Variants in SHKBP1 observed in about 807,000 individuals in gnomAD.
The protein encoded by SHKBP1 is SH3KBP1 binding protein 1.
In SHKBP1, 71 loss-of-function variants were observed where a neutral mutation model predicts 83.9. The ratio of observed to expected loss-of-function variants is 0.85; its 90% confidence interval spans 0.70 to 1.03. The LOEUF is 1.03. Ranked by LOEUF, SHKBP1 falls within the 50% of genes least tolerant of loss-of-function variation. The probability of loss-of-function intolerance (pLI) is 0.00; values close to 1 mark genes in which losing one functional copy is unlikely to be tolerated. For missense variants in SHKBP1, 824 were observed against 982.4 expected (o/e 0.84, Z 2.16); for synonymous variants, 371 against 398.0 (o/e 0.93, Z 0.81).
chr19:40,588,245 A>G (rs544926526), intron 13 of SHKBP1, among the ~76,000 whole-genome samples: 1 of 152,288 alleles, frequency 6.6e-6, no homozygotes, highest in African/African-American at 2.4e-5. Context: ...GAGGGCTCCG[A>G]GCAGGGGAGG....
intron 1 of SHKBP1, 44 bp from the exon 2 acceptor site, chr19:40,577,187 C>T: frequency 6.2e-7 from 1 of 1,608,794 alleles, no homozygotes; most frequent in Non-Finnish European, 8.5e-7. Context: ...CATTCCTCAC[C>T]CGCTCCTCTT....
At chr19:40,580,274 G>A in intron 6 of SHKBP1, 50 bp from the exon 7 acceptor site, 1 of 1,575,238 alleles carries the variant, frequency 6.3e-7, no homozygotes, top group Non-Finnish European at 8.7e-7. Flanking sequence ...CTTGCTGTGT[G>A]ACAGCCACGA....
intron 9 of SHKBP1, 138 bp downstream of exon 9, chr19:40,581,074 G>A: frequency 1.2e-6 from 1 of 834,096 alleles, no homozygotes; most frequent in Non-Finnish European, 1.7e-6. Flanking sequence ...GAATGCTCCA[G>A]CCCTTCAGAA....
chr19:40,580,031 CAAAA>C (rs35620022), intron 6 of SHKBP1: 191 of 64,034 alleles, frequency 3.0e-3, no homozygotes, highest in South Asian at 8.0e-3. Flanking sequence ...AACTCCAACT[CAAAA>C]AAAAAAAAAA....
Position 40,582,431 on chromosome 19 carries a change from A to G in SHKBP1, c.925A>G (p.Ile309Val). ...CATTGCTACAAGCCACACAGGGCGC[A>G]TCGGGGTGTGGAATGCCGTCACCAA... ...QLIATSHTGR[I>V]GVWNAVTKHW... Residue 309 changes from isoleucine to valine, a missense_variant, in exon 10 of 18, where the codon ATC becomes GTC. Physicochemically the swap from Ile to Val is conservative, Grantham distance 29. Transcript: ENST00000291842. The G allele has an allele frequency of 6.2e-7, 1 of 1,614,150 alleles. No homozygotes were observed.
At position 40,590,788 on chromosome 19, in the gene SHKBP1, G is replaced by A. The variant is rs565270385; in HGVS notation, c.1827G>A (p.Pro609=). ...MEQLEHCELA[P]PAPSAPSWGC... Reference sequence around the variant, plus strand: ...AGCTGGAACACTGTGAGCTGGCCCCGCCGGCTCCTTCAGCTCCCTCATGGG... The same window carrying A: ...AGCTGGAACACTGTGAGCTGGCCCCACCGGCTCCTTCAGCTCCCTCATGGG... The change falls in exon 17 of 18, where the codon CCG becomes CCA. Residue 609 remains proline, a synonymous_variant. Coordinates refer to ENST00000291842, the MANE Select transcript of SHKBP1 (RefSeq NM_138392.4). The surrounding 1 kb of genome is among the most constrained non-coding windows in gnomAD (Gnocchi z 4.6). 3.7e-6 allele frequency: 6 copies of A among 1,602,468 alleles called. No individual in the cohort carries two copies. The highest frequency in any genetic ancestry group is 4.5e-5 in the East Asian group (2 of 44,430).
rs752294819 is a variant in SHKBP1 at position 40,580,552 on chromosome 19, C to T, written c.563-14C>T. ...CCCTGTGACCCTCTTCTGATCCCTA[C>T]TCTTCCCCTCAAGGACAACCTGAGG... On this transcript the variant is annotated splice_polypyrimidine_tract_variant and intron_variant, in intron 7 of 17. Coordinates refer to ENST00000291842, the MANE Select transcript of SHKBP1 (RefSeq NM_138392.4). 2 of 1,614,050 alleles carry T rather than the reference C, an allele frequency of 1.2e-6. No individual in the cohort carries two copies. The highest frequency in any genetic ancestry group is 2.2e-5 in the East Asian group (1 of 44,904).
In SHKBP1 at chr19:40,590,407, C is replaced by T. The variant is rs1371358051; in HGVS notation, c.1753C>T (p.Leu585Phe). 17 of 1,607,730 alleles carry T rather than the reference C, an allele frequency of 1.1e-5. No individual in the cohort carries two copies. Among genetic ancestry groups the T allele is most frequent in the African/African-American group, 2.7e-5 (2 of 74,766 alleles). Residue 585 changes from leucine to phenylalanine, a missense_variant, in exon 16 of 18, where the codon CTC (leucine) becomes TTC (phenylalanine). By Grantham distance (22) the Leu-to-Phe change is conservative. Transcript: ENST00000291842. This position sits in a 1 kb window ranked among gnomAD's most constrained non-coding sequence, Gnocchi z 4.6. ...MWDLTTAMDG[L>F]GQAPAGGLTE... ...GGACCTAACCACCGCCATGGACGGC[C>T]TCGGCCAGGCCCCTGGTACTCCCTG...
intron 13 of SHKBP1, 92 bp downstream of exon 13, chr19:40,587,036 A>T: frequency 1.6e-6 from 2 of 1,222,112 alleles, no homozygotes; most frequent in Non-Finnish European, 2.3e-6. Context: ...GGGGAGGGAC[A>T]TTGTGTAGGA....
rs370969257 is a variant in SHKBP1, at chr19:40,591,219, G to A, written c.*12G>A. 6.4e-7 allele frequency: 1 copy of A among 1,561,262 alleles called. No individual in the cohort carries two copies. The highest frequency in any genetic ancestry group is 1.3e-5 in the African/African-American group (1 of 74,110). ...AAACTTCCTTTTGAACAACGCAGCTGCCATGATGCCTTGGGATGCCCTGGT... is the reference window on the plus strand; with the variant it reads ...AAACTTCCTTTTGAACAACGCAGCTACCATGATGCCTTGGGATGCCCTGGT... On this transcript the variant is annotated 3_prime_UTR_variant, in exon 18 of 18. Coordinates refer to ENST00000291842, the MANE Select transcript of SHKBP1 (RefSeq NM_138392.4).
chr19:40,588,482 TG>T, intron 13 of SHKBP1, 141 bp from the exon 14 acceptor site: 1 of 1,067,914 alleles, frequency 9.4e-7, no homozygotes, highest in Non-Finnish European at 1.4e-6. Context: ...TTTGGAATTC[TG>T]GGGAGGAAAG....
rs140053092 is a variant in SHKBP1, at chr19:40,591,201, C to A, written c.2118C>A (p.Ser706=). The change falls in exon 18 of 18, where the codon TCC becomes TCA. Residue 706 remains serine, a synonymous_variant. Coordinates refer to ENST00000291842, the MANE Select transcript of SHKBP1 (RefSeq NM_138392.4). ...CCAAGATGAAGCTCAATGAAACTTC[C>A]TTTTGAACAACGCAGCTGCCATGAT... ...TPPKMKLNET[S]F is the part of the protein sequence containing the mutation. 61 of 1,581,210 alleles carry A rather than the reference C, an allele frequency of 3.9e-5. No individual in the cohort carries two copies. The highest frequency in any genetic ancestry group is 1.7e-4 in the Middle Eastern group (1 of 5,954).
At chr19:40,583,754 T>C (rs1169124569) in intron 12 of SHKBP1, 37 bp downstream of exon 12, 3 of 1,531,404 alleles carry the variant, frequency 2.0e-6, no homozygotes, top group Admixed American at 3.4e-5. Flanking sequence ...TGCTGTCACC[T>C]GCCAGCCCCA....
chr19:40,586,817 A>AG lies in SHKBP1; in HGVS notation c.1214dup (p.Val406ArgfsTer73). Reference sequence around the variant, plus strand: ...TCGAGATCGCCTATGGCACCAGCTCAGGGGGCGTGCGGGTCATCGTGCAGC... The same window carrying AG: ...TCGAGATCGCCTATGGCACCAGCTCAGGGGGGCGTGCGGGTCATCGTGCAGC... On this transcript the variant is annotated frameshift_variant, in exon 13 of 18. Transcript: ENST00000291842. LOFTEE classifies it high-confidence loss of function. 1.9e-6 allele frequency: 3 copies of AG among 1,609,466 alleles called. No individual in the cohort carries two copies. The highest frequency in any genetic ancestry group is 2.5e-6 in the Non-Finnish European group (3 of 1,177,054).
Position 40,577,258 on chromosome 19 carries a change from C to T in SHKBP1, c.114C>T (p.Thr38=). Residue 38 remains threonine, a synonymous_variant, in exon 2 of 18, where the codon ACC becomes ACT. Coordinates refer to ENST00000291842, the MANE Select transcript of SHKBP1 (RefSeq NM_138392.4). ...KRFSTSRQTL[T]WIPDSFFSSL... ...TCAGTACCTCTCGCCAGACTCTCAC[C>T]TGGATCCCAGACTCCTTCTTCTCCA... 1 of 1,614,072 alleles carries T rather than the reference C, an allele frequency of 6.2e-7. No homozygotes were observed. Among genetic ancestry groups the T allele is most frequent in the South Asian group, 1.1e-5 (1 of 91,074 alleles).
At chr19:40,586,169 TTC>T (rs1415916514) in intron 12 of SHKBP1, among the ~76,000 whole-genome samples, 1 of 151,524 alleles carries the variant, frequency 6.6e-6, no homozygotes, top group Non-Finnish European at 1.5e-5. Context: ...TCGGCCTCTG[TTC>T]TCTGTTTTAC....
intron 5 of SHKBP1, 120 bp downstream of exon 5, chr19:40,578,332 A>G: frequency 4.1e-6 from 6 of 1,455,282 alleles, no homozygotes; most frequent in Non-Finnish European, 5.8e-6. Context: ...AGGACTGGTT[A>G]TGGCCCTGGC....
chr19:40,585,092 G>A (rs940878976), intron 12 of SHKBP1, among the ~76,000 whole-genome samples: 2 of 151,770 alleles, frequency 1.3e-5, no homozygotes, highest in Admixed American at 6.6e-5. Flanking sequence ...TGTATGGTGT[G>A]AAGCAGGGAT....
chr19:40,578,783 G>T (rs2081243955), intron 6 of SHKBP1, among the ~76,000 whole-genome samples: 1 of 152,144 alleles, frequency 6.6e-6, no homozygotes, highest in African/African-American at 2.4e-5. Context: ...GGGAGTTGTA[G>T]TCCGGGTTTG....
Sources: gnomAD v4.1 joint callset for allele counts (sites outside exome capture counted in the v4.1 genomes callset) on GRCh38, gnomAD v4.1.1 for gene constraint, Gnocchi (gnomAD v3.1) non-coding constraint, MANE v1.5 for transcripts, NCBI Gene and HGNC (gene_info 2026-07-23, HGNC 2026-07-21) for gene names.